Variants in KCTD16 observed in about 807,000 individuals in gnomAD.
KCTD16 encodes potassium channel tetramerization domain containing 16.
Under a neutral mutation model 33.2 loss-of-function variants are expected in KCTD16, and 13 were observed. The observed-to-expected ratio is 0.39, with a 90% CI of 0.25 to 0.62. KCTD16 has a LOEUF of 0.62. KCTD16 is among the 20% of genes least tolerant of loss of function. KCTD16 has a pLI of 0.50. For missense variants in KCTD16, 441 were observed against 525.1 expected, an observed-to-expected ratio of 0.84 and a Z score of 1.57; for synonymous variants, 197 against 195.3, an observed-to-expected ratio of 1.01 and a Z score of -0.07.
At chr5:144,392,299 G>A (rs1236491144) in intron 3 of KCTD16, among the ~76,000 whole-genome samples, 2 of 152,180 alleles carry the variant, frequency 1.3e-5, no homozygotes, top group African/African-American at 4.8e-5. Flanking sequence ...GAGGTGCGTA[G>A]TGCAAGTGCT....
rs549002672 is a variant in KCTD16, at chr5:144,177,915, A to AT, written c.-327+3451dup. Reference sequence around the variant, plus strand: ...ACATGCTCGAAAGAACAATAATCTGATTTTTTTTCACTTTGATCAGCTATT... The same window carrying AT: ...ACATGCTCGAAAGAACAATAATCTGATTTTTTTTTCACTTTGATCAGCTATT... On this transcript the variant is annotated intron_variant, in intron 2 of 3. Coordinates refer to ENST00000512467, the MANE Select transcript of KCTD16 (RefSeq NM_020768.4). Among the ~76,000 whole-genome samples, 44 of 151,846 alleles carry AT rather than the reference A, an allele frequency of 2.9e-4. No individual in the cohort carries two copies. The South Asian group carries it at 5.4e-3, about 19-fold the overall frequency.
intron 2 of KCTD16, among the ~76,000 whole-genome samples, chr5:144,196,941 C>T (rs987123802): frequency 7.2e-5 from 11 of 152,102 alleles, no homozygotes; most frequent in African/African-American, 2.2e-4. Flanking sequence ...TGCAAATCTG[C>T]GTTGTACAGC....
chr5:144,363,014 TC>T (rs1416838511), intron 3 of KCTD16, among the ~76,000 whole-genome samples: 3 of 152,198 alleles, frequency 2.0e-5, no homozygotes, highest in African/African-American at 7.2e-5. Context: ...ACTGAAAACT[TC>T]TATACGGCCT....
At chr5:144,434,667 A>G (rs1246774246) in intron 3 of KCTD16, among the ~76,000 whole-genome samples, 1 of 152,190 alleles carries the variant, frequency 6.6e-6, no homozygotes, top group African/African-American at 2.4e-5. Flanking sequence ...CAATCATCCA[A>G]AGCCTACTCC....
At chr5:144,311,885 T>G (rs1751775023) in intron 3 of KCTD16, among the ~76,000 whole-genome samples, 2 of 152,216 alleles carry the variant, frequency 1.3e-5, no homozygotes, top group Non-Finnish European at 2.9e-5. Flanking sequence ...TCTCTAATGT[T>G]TCTAACAAAA....
intron 3 of KCTD16, among the ~76,000 whole-genome samples, chr5:144,215,352 A>G (rs1753530901): frequency 6.6e-6 from 1 of 152,214 alleles, no homozygotes; most frequent in Non-Finnish European, 1.5e-5. Context: ...CCCAATAGAA[A>G]AAGAGCTCTA....
rs901818019 is a variant in KCTD16, at chr5:144,199,323, T to C, written c.-326-7066T>C. On this transcript the variant is annotated intron_variant, in intron 2 of 3. Transcript: ENST00000512467. ...ACCGAAAGATATATTACATAGTACA[T>C]AGAGCAGACATAAAGAAGACTCCAC... 2.6e-5 allele frequency among the ~76,000 whole-genome samples: 4 copies of C among 152,150 alleles called. 1 individual carries two copies.
intron 3 of KCTD16, among the ~76,000 whole-genome samples, chr5:144,322,132 C>T (rs559631988): frequency 5.3e-5 from 8 of 151,934 alleles, no homozygotes; most frequent in Non-Finnish European, 1.0e-4. Context: ...TTTTATTGTC[C>T]TGAGTTTATG....
At chr5:144,345,639 GT>G (rs1752777428) in intron 3 of KCTD16, among the ~76,000 whole-genome samples, 1 of 152,146 alleles carries the variant, frequency 6.6e-6, no homozygotes, top group African/African-American at 2.4e-5. Flanking sequence ...AACAAGATAG[GT>G]AAGAGTCCTG....
At chr5:144,339,595 G>A (rs1282994809) in intron 3 of KCTD16, among the ~76,000 whole-genome samples, 1 of 152,122 alleles carries the variant, frequency 6.6e-6, no homozygotes, top group Non-Finnish European at 1.5e-5. Context: ...TACTAGAAAT[G>A]TACTCAATAA....
At chr5:144,176,909 C>T (rs957089871) in intron 2 of KCTD16, among the ~76,000 whole-genome samples, 3 of 152,182 alleles carry the variant, frequency 2.0e-5, no homozygotes, top group Non-Finnish European at 4.4e-5. Context: ...ATTTAAGTTC[C>T]TTATAGATTC....
intron 3 of KCTD16, among the ~76,000 whole-genome samples, chr5:144,316,155 G>C (rs1751907210): frequency 6.6e-6 from 1 of 152,100 alleles, no homozygotes; most frequent in Non-Finnish European, 1.5e-5. Flanking sequence ...AACCAGTTTG[G>C]GGTCAAAATC....
At chr5:144,353,423 T>C (rs1233192443) in intron 3 of KCTD16, among the ~76,000 whole-genome samples, 1 of 152,206 alleles carries the variant, frequency 6.6e-6, no homozygotes, top group Non-Finnish European at 1.5e-5. Context: ...TGGGTCAGAT[T>C]CCTACCACTG....
At chr5:144,260,578 G>A (rs1023725196) in intron 3 of KCTD16, among the ~76,000 whole-genome samples, 2 of 152,152 alleles carry the variant, frequency 1.3e-5, no homozygotes, top group African/African-American at 4.8e-5. Flanking sequence ...TATTATTTCT[G>A]AGAGCAAGTA....
At chr5:144,300,666 G>A (rs922692450) in intron 3 of KCTD16, among the ~76,000 whole-genome samples, 5 of 152,108 alleles carry the variant, frequency 3.3e-5, no homozygotes, top group Non-Finnish European at 7.3e-5. Context: ...CACTAGTGAA[G>A]ACATAACACT....
intron 3 of KCTD16, among the ~76,000 whole-genome samples, chr5:144,404,455 A>G (rs1170846637): frequency 6.6e-6 from 1 of 152,152 alleles, no homozygotes. Flanking sequence ...AAAGATGTAT[A>G]TGACTTGGTT....
chr5:144,343,494 C>T (rs553697214), intron 3 of KCTD16, among the ~76,000 whole-genome samples: 12 of 151,918 alleles, frequency 7.9e-5, no homozygotes, highest in South Asian at 4.2e-4. Context: ...GTTTTGCTAG[C>T]GGTCTATCAA....
intron 3 of KCTD16, among the ~76,000 whole-genome samples, chr5:144,360,222 G>A (rs1487010272): frequency 6.6e-6 from 1 of 151,944 alleles, no homozygotes; most frequent in East Asian, 1.9e-4. Context: ...AGGTATTTTG[G>A]TATTTCTCCT....
intron 3 of KCTD16, among the ~76,000 whole-genome samples, chr5:144,407,494 G>C (rs1752835667): frequency 6.6e-6 from 1 of 151,884 alleles, no homozygotes; most frequent in Non-Finnish European, 1.5e-5. Flanking sequence ...AATAAGCATA[G>C]TACCTGATAG....
Sources: gnomAD v4.1 joint callset for allele counts (sites outside exome capture counted in the v4.1 genomes callset) on GRCh38, gnomAD v4.1.1 for gene constraint, MANE v1.5 for transcripts, NCBI Gene and HGNC (gene_info 2026-07-23, HGNC 2026-07-21) for gene names.